The following TOMM34 variants were observed in gnomAD, a reference collection of about 807,000 sequenced individuals.
TOMM34 encodes the protein mitochondrial import receptor subunit TOM34.
A neutral mutation model predicts 37.4 loss-of-function variants in TOMM34; 24 were observed. The observed-to-expected ratio is 0.64, with a 90% CI of 0.46 to 0.90. The LOEUF is 0.90. TOMM34 is among the 40% of genes least tolerant of loss of function. The pLI is 0.00. For synonymous variants in TOMM34, 154 were observed against 148.9 expected, an observed-to-expected ratio of 1.03 and a Z score of -0.25; for missense variants, 304 against 375.6, an observed-to-expected ratio of 0.81 and a Z score of 1.58.
In TOMM34 at chr20:44,951,968, C is replaced by G; in HGVS notation, c.415G>C (p.Glu139Gln). ...TRALMDSLGP[E>Q]WRLKLPSIPL... Reference sequence around the variant, plus strand: ...ATTGAGGGCAGCTTCAGGCGCCACTCAGGCCCAAGCGAGTCCATGAGAGCT... The same window carrying G: ...ATTGAGGGCAGCTTCAGGCGCCACTGAGGCCCAAGCGAGTCCATGAGAGCT... Residue 139 changes from glutamate (E) to glutamine (Q), a missense_variant, in exon 4 of 7, where the codon GAG (glutamate) becomes CAG (glutamine). Coordinates refer to ENST00000372813, the MANE Select transcript of TOMM34 (RefSeq NM_006809.5). 1 of 1,613,990 alleles carries G rather than the reference C, an allele frequency of 6.2e-7. No individual in the cohort carries two copies. The highest frequency in any genetic ancestry group is 8.5e-7 in the Non-Finnish European group (1 of 1,179,916).
At chr20:44,946,041 T>C (rs2066978334) in intron 5 of TOMM34, among the ~76,000 whole-genome samples, 1 of 152,098 alleles carries the variant, frequency 6.6e-6, no homozygotes, top group Admixed American at 6.6e-5. Context: ...TATTTTTTGG[T>C]AGAGATGGGG....
rs1403418568 is a variant in TOMM34, at chr20:44,960,390, C to T, written c.-57G>A. ...TTCCTTCCTCCCCCGTGTGGTGCGG[C>T]ACACCTTCCGGGCGCAAGCGCCGGC... On this transcript the variant is annotated 5_prime_UTR_variant, in exon 1 of 7. Transcript: ENST00000372813. 1.4e-6 allele frequency: 2 copies of T among 1,457,420 alleles called. No homozygotes were observed. The highest frequency in any genetic ancestry group is 1.8e-6 in the Non-Finnish European group (2 of 1,100,738). 90.3% of individuals were successfully genotyped at this position (1,457,420 alleles called of 1,614,324 possible). A position where few individuals can be genotyped will look rare whatever the true frequency, so the allele number is the denominator to read the frequency against.
chr20:44,956,486 C>T lies in TOMM34; in HGVS notation c.128-1G>A, dbSNP rs1202702358. On this transcript the variant is annotated splice_acceptor_variant, in intron 1 of 6. Transcript: ENST00000372813. LOFTEE classifies it high-confidence loss of function. ...CTTTCTTCTTCTGGGTCTGAAGAACCTGCCCAGATAGAGTGGGGAAGATGA... is the reference window on the plus strand; with the variant it reads ...CTTTCTTCTTCTGGGTCTGAAGAACTTGCCCAGATAGAGTGGGGAAGATGA... 8.7e-6 allele frequency: 14 copies of T among 1,614,094 alleles called. No individual in the cohort carries two copies. The highest frequency in any genetic ancestry group is 2.2e-5 in the East Asian group (1 of 44,880).
Position 44,951,822 on chromosome 20 carries a change from T to A in TOMM34, c.550+11A>T. The A allele has an allele frequency of 6.2e-7, 1 of 1,608,882 alleles. No homozygotes were observed. Among genetic ancestry groups the A allele is most frequent in the Non-Finnish European group, 8.5e-7 (1 of 1,176,888 alleles). Reference sequence around the variant, plus strand: ...AGATTGCAAGACTCTGGGCAGGGAGTCACAGCTCACCTCTGTTCTTTGTAG... The same window carrying A: ...AGATTGCAAGACTCTGGGCAGGGAGACACAGCTCACCTCTGTTCTTTGTAG... On this transcript the variant is annotated intron_variant, in intron 4 of 6. Coordinates refer to ENST00000372813, the MANE Select transcript of TOMM34 (RefSeq NM_006809.5).
rs766619218 is a variant in TOMM34 at position 44,956,446 on chromosome 20, T to C, written c.167A>G (p.Asn56Ser). 69 of 1,614,174 alleles carry C rather than the reference T, an allele frequency of 4.3e-5. No individual in the cohort carries two copies. The highest frequency in any genetic ancestry group is 3.3e-4 in the Middle Eastern group (2 of 6,062). The change falls in exon 2 of 7, where the codon AAC becomes AGC. Residue 56 changes from asparagine to serine, a missense_variant. Asn to Ser is a conservative substitution (Grantham distance 46). Coordinates refer to ENST00000372813, the MANE Select transcript of TOMM34 (RefSeq NM_006809.5). ...DPEEESVLYS[N>S]RAACHLKDGN... Reference sequence around the variant, plus strand: ...ATCCTTCAAGTGACATGCTGCTCGGTTGGAGTAGAGAACACTTTCTTCTTC... The same window carrying C: ...ATCCTTCAAGTGACATGCTGCTCGGCTGGAGTAGAGAACACTTTCTTCTTC...
intron 5 of TOMM34, among the ~76,000 whole-genome samples, chr20:44,946,607 A>G (rs1489502477): frequency 6.6e-6 from 1 of 152,202 alleles, no homozygotes; most frequent in African/African-American, 2.4e-5. Context: ...GATTCTTATG[A>G]CAGCTGTTTC....
chr20:44,953,345 C>T (rs949408547), intron 3 of TOMM34, among the ~76,000 whole-genome samples: 14 of 152,162 alleles, frequency 9.2e-5, no homozygotes, highest in African/African-American at 3.4e-4. Flanking sequence ...AATGTAAGCT[C>T]CTTGGAACAC....
intron 1 of TOMM34, chr20:44,958,282 A>G (rs947028632): frequency 2.2e-6 from 1 of 458,578 alleles, no homozygotes. Flanking sequence ...TTGATATTTG[A>G]TATCTTTCAT....
intron 5 of TOMM34, among the ~76,000 whole-genome samples, chr20:44,945,385 G>C (rs1448609708): frequency 6.6e-6 from 1 of 152,154 alleles, no homozygotes; most frequent in Non-Finnish European, 1.5e-5. Flanking sequence ...AATTCGGGCA[G>C]GCTCTGTGAC....
chr20:44,955,623 A>C (rs1478656197), intron 2 of TOMM34: 2 of 458,490 alleles, frequency 4.4e-6, no homozygotes, highest in Non-Finnish European at 8.8e-6. Flanking sequence ...TGACCCAGGT[A>C]AATCACTTTA....
chr20:44,943,359 A>T, intron 6 of TOMM34, 94 bp downstream of exon 6: 2 of 1,598,230 alleles, frequency 1.3e-6, no homozygotes, highest in Non-Finnish European at 1.7e-6. Context: ...AAAGCTGCAG[A>T]TATTGTCTCA....
In TOMM34 at chr20:44,956,445, G is replaced by C. The variant is rs202217247; in HGVS notation, c.168C>G (p.Asn56Lys). Reference protein sequence around the residue: ...DPEEESVLYSNRAACHLKDGN... With the variant: ...DPEEESVLYSKRAACHLKDGN... ...CATCCTTCAAGTGACATGCTGCTCG[G>C]TTGGAGTAGAGAACACTTTCTTCTT... The change falls in exon 2 of 7, where the codon AAC (asparagine) becomes AAG (lysine). Residue 56 changes from asparagine (N) to lysine (K), a missense_variant. Coordinates refer to ENST00000372813, the MANE Select transcript of TOMM34 (RefSeq NM_006809.5). 170 of 1,614,200 alleles carry C rather than the reference G, an allele frequency of 1.1e-4. No homozygotes were observed. The highest frequency in any genetic ancestry group is 1.4e-4 in the Non-Finnish European group (164 of 1,180,042).
intron 5 of TOMM34, among the ~76,000 whole-genome samples, chr20:44,945,372 T>C (rs1432978523): frequency 1.3e-5 from 2 of 152,134 alleles, no homozygotes; most frequent in African/African-American, 2.4e-5. Context: ...CTCTCTCTCT[T>C]TGAATTCGGG....
chr20:44,947,700 G>A (rs913505685), intron 5 of TOMM34, among the ~76,000 whole-genome samples: 5 of 152,052 alleles, frequency 3.3e-5, no homozygotes, highest in African/African-American at 4.8e-5. Context: ...GGGTTTTGCC[G>A]TGTTGGCCAG....
rs766129966 is a variant in TOMM34 at position 44,960,382 on chromosome 20, T to G, written c.-49A>C. 6.7e-6 allele frequency: 10 copies of G among 1,493,588 alleles called. No individual in the cohort carries two copies. The East Asian group carries it at 1.9e-4, about 28-fold the overall frequency. 92.5% of individuals were successfully genotyped at this position (1,493,588 alleles called of 1,614,324 possible). On this transcript the variant is annotated 5_prime_UTR_variant, in exon 1 of 7. Coordinates refer to ENST00000372813, the MANE Select transcript of TOMM34 (RefSeq NM_006809.5). Reference sequence around the variant, plus strand: ...GGAGCTCCTTCCTTCCTCCCCCGTGTGGTGCGGCACACCTTCCGGGCGCAA... The same window carrying G: ...GGAGCTCCTTCCTTCCTCCCCCGTGGGGTGCGGCACACCTTCCGGGCGCAA...
rs1391451727 is a variant in TOMM34, at chr20:44,960,204, T to C, written c.127+3A>G. On this transcript the variant is annotated splice_donor_region_variant and intron_variant, in intron 1 of 6. Coordinates refer to ENST00000372813, the MANE Select transcript of TOMM34 (RefSeq NM_006809.5). ...GGAGGTGAGATGGGGGCCGGGGTCGTACCTTGCGCCTGCAGCACCCGCAGC... is the reference window on the plus strand; with the variant it reads ...GGAGGTGAGATGGGGGCCGGGGTCGCACCTTGCGCCTGCAGCACCCGCAGC... 7 of 1,557,382 alleles carry C rather than the reference T, an allele frequency of 4.5e-6. No individual in the cohort carries two copies. The highest frequency in any genetic ancestry group is 1.9e-5 in the Admixed American group (1 of 52,384).
At chr20:44,952,175 A>C (rs564297730) in intron 3 of TOMM34, among the ~76,000 whole-genome samples, 173 bp from the exon 4 acceptor site, 3 of 152,324 alleles carry the variant, frequency 2.0e-5, no homozygotes, top group Admixed American at 2.0e-4. Flanking sequence ...GAACCCATAA[A>C]CACCATCTCA....
rs531691023 is a variant in TOMM34, at chr20:44,955,337, C to T, written c.228-117G>A. On this transcript the variant is annotated intron_variant, in intron 2 of 6. Coordinates refer to ENST00000372813, the MANE Select transcript of TOMM34 (RefSeq NM_006809.5). ...CAGCGTACAGGAAGTAATTTCTGGC[C>T]GAGAGACATGGCTAAAAACGCCAAA... 9 of 1,354,428 alleles carry T rather than the reference C, an allele frequency of 6.6e-6. No individual in the cohort carries two copies. The African/African-American group carries it at 1.2e-4, about 18-fold the overall frequency. The allele number at this position is 1,354,428 out of a possible 1,614,324, so 83.9% of individuals were successfully genotyped here.
chr20:44,960,002 A>G (rs769313492), intron 1 of TOMM34: 12 of 985,256 alleles, frequency 1.2e-5, no homozygotes, highest in Non-Finnish European at 1.4e-5. Context: ...CGAGGCCTAA[A>G]TAACTTAGGA....
Sources: allele counts gnomAD v4.1 joint callset (sites outside exome capture counted in the v4.1 genomes callset), GRCh38; gene constraint gnomAD v4.1.1; transcripts MANE v1.5; gene names NCBI Gene and HGNC (gene_info 2026-07-23, HGNC 2026-07-21).